ACTR3C: variants seen among roughly 807,000 people sequenced by gnomAD.
The protein encoded by ACTR3C is actin related protein 3C, also known as actin-related protein 3C.
ACTR3C carries 18 observed loss-of-function variants against 26.3 expected under a neutral mutation model. That is an observed-to-expected ratio of 0.68 (90% CI 0.47 to 1.01). The LOEUF is 1.01. Ranked by LOEUF, ACTR3C falls within the 50% of genes least tolerant of loss-of-function variation. ACTR3C has a pLI of 0.00. For missense variants in ACTR3C, 184 were observed against 250.7 expected (o/e 0.73, Z 1.80); for synonymous variants, 55 against 94.5 (o/e 0.58, Z 2.42).
chr7:150,284,891 A>C (rs1239984911), intron 5 of ACTR3C, 46 bp from the exon 6 acceptor site: 1 of 1,562,462 alleles, frequency 6.4e-7, no homozygotes, highest in East Asian at 2.3e-5. Context: ...ATTTCTCTCA[A>C]ATAGAACAAC....
chr7:149,907,264 C>A, the ACTR3C span, among the ~76,000 whole-genome samples: 1 of 104,692 alleles, frequency 9.6e-6, no homozygotes. Context: ...CCCCACAGCA[C>A]CTCACCTCCA....
At chr7:149,942,401 T>C in the ACTR3C span, among the ~76,000 whole-genome samples, 2 of 151,962 alleles carry the variant, frequency 1.3e-5, no homozygotes, top group African/African-American at 2.4e-5. Flanking sequence ...TGGGAGTAAA[T>C]TGGTGGGCTG....
the ACTR3C span, among the ~76,000 whole-genome samples, chr7:150,103,074 T>A: frequency 1.1e-4 from 10 of 93,366 alleles, no homozygotes; most frequent in African/African-American, 8.0e-4. Flanking sequence ...TGTGTGTGTA[T>A]GTGTGTGTGT....
the ACTR3C span, among the ~76,000 whole-genome samples, chr7:149,894,748 G>A: frequency 6.6e-6 from 1 of 151,980 alleles, no homozygotes; most frequent in African/African-American, 2.4e-5. Flanking sequence ...AAGTGTTGGT[G>A]ATGGTGTGAC....
chr7:150,200,316 G>A, the ACTR3C span, among the ~76,000 whole-genome samples: 2 of 152,234 alleles, frequency 1.3e-5, no homozygotes, highest in South Asian at 4.1e-4. Flanking sequence ...TTAAAATTAA[G>A]AGCTTTTAAC....
the ACTR3C span, among the ~76,000 whole-genome samples, chr7:150,035,364 C>A: frequency 5.2e-5 from 2 of 38,306 alleles, 1 homozygote; most frequent in African/African-American, 1.7e-4. Context: ...CCCACCCTCG[C>A]GGGCGGTGCC....
chr7:150,036,895 G>C, the ACTR3C span, among the ~76,000 whole-genome samples: 1 of 116,348 alleles, frequency 8.6e-6, no homozygotes, highest in African/African-American at 3.2e-5. Flanking sequence ...CTCAGTCCCC[G>C]CCTCGCGGGG....
At chr7:150,020,995 A>G in the ACTR3C span, among the ~76,000 whole-genome samples, 1 of 151,708 alleles carries the variant, frequency 6.6e-6, no homozygotes, top group Non-Finnish European at 1.5e-5. Flanking sequence ...TAATTTTTGT[A>G]TTTTTAGTAG....
the ACTR3C span, among the ~76,000 whole-genome samples, chr7:150,101,800 G>A: frequency 6.6e-6 from 1 of 151,692 alleles, no homozygotes; most frequent in Admixed American, 6.6e-5. Context: ...CTCTATCAAT[G>A]GGATTCCATT....
intron 6 of ACTR3C, among the ~76,000 whole-genome samples, chr7:150,266,292 T>C (rs1344342994): frequency 1.4e-5 from 2 of 146,828 alleles, no homozygotes; most frequent in Non-Finnish European, 2.9e-5. Flanking sequence ...GGTCAAATGA[T>C]TTTAGACAAA....
the ACTR3C span, among the ~76,000 whole-genome samples, chr7:150,013,390 G>T: frequency 6.6e-6 from 1 of 152,154 alleles, no homozygotes; most frequent in Non-Finnish European, 1.5e-5. Context: ...TAGCCCCCAA[G>T]GTTTAGGTGA....
the ACTR3C span, among the ~76,000 whole-genome samples, chr7:150,043,487 A>G: frequency 6.6e-6 from 1 of 152,248 alleles, no homozygotes; most frequent in Non-Finnish European, 1.5e-5. Context: ...AAGGCCCTCA[A>G]ACAGGGTGGC....
chr7:150,123,423 T>C, the ACTR3C span, among the ~76,000 whole-genome samples: 2 of 152,158 alleles, frequency 1.3e-5, no homozygotes, highest in African/African-American at 2.4e-5. Context: ...TGGCAAAGGC[T>C]GCTGCTGTCA....
the ACTR3C span, among the ~76,000 whole-genome samples, chr7:149,889,398 G>C: frequency 6.6e-6 from 1 of 152,196 alleles, no homozygotes; most frequent in African/African-American, 2.4e-5. Flanking sequence ...ACATATTTAT[G>C]AAAGATTGGC....
the ACTR3C span, among the ~76,000 whole-genome samples, chr7:150,128,494 A>C: frequency 6.6e-6 from 1 of 150,888 alleles, no homozygotes; most frequent in South Asian, 2.1e-4. Context: ...GTGAGGCAAA[A>C]CAGCATCAGT....
At chr7:150,117,813 T>G in the ACTR3C span, among the ~76,000 whole-genome samples, 6 of 152,212 alleles carry the variant, frequency 3.9e-5, no homozygotes, top group African/African-American at 1.4e-4. Flanking sequence ...CAGAGGTCGA[T>G]AGACACCTCA....
At chr7:150,043,391 C>T in the ACTR3C span, among the ~76,000 whole-genome samples, 3 of 151,982 alleles carry the variant, frequency 2.0e-5, no homozygotes, top group Non-Finnish European at 2.9e-5. Context: ...TGGCTCTCAA[C>T]CACCACGAAA....
At chr7:149,981,323 C>T in the ACTR3C span, among the ~76,000 whole-genome samples, 2,975 of 152,032 alleles carry the variant, frequency 0.02, 104 homozygotes, top group African/African-American at 0.067. Context: ...GCAAGTGAGC[C>T]AATCTGCACT....
chr7:150,098,689 C>CAA, the ACTR3C span, among the ~76,000 whole-genome samples: 12 of 151,726 alleles, frequency 7.9e-5, no homozygotes, highest in Non-Finnish European at 1.8e-4. Context: ...TGGTAAGTAC[C>CAA]AAAAAGTGGC....
Sources: allele counts gnomAD v4.1 joint callset (sites outside exome capture counted in the v4.1 genomes callset), GRCh38; gene constraint gnomAD v4.1.1; transcripts MANE v1.5; gene names NCBI Gene and HGNC (gene_info 2026-07-23, HGNC 2026-07-21).